Variants in ANKS1B observed in about 807,000 individuals in gnomAD.
ANKS1B encodes the protein ankyrin repeat and sterile alpha motif domain containing 1B, also known as ankyrin repeat and sterile alpha motif domain-containing protein 1B.
Under a neutral mutation model 148.3 loss-of-function variants are expected in ANKS1B, and 36 were observed. The ratio of observed to expected loss-of-function variants is 0.24; its 90% CI spans 0.19 to 0.32. The LOEUF is 0.32. Among genes scored for constraint, ANKS1B ranks in the 10% least tolerant of loss-of-function variants. ANKS1B has a pLI of 1.00. For synonymous variants in ANKS1B, 542 were observed against 560.8 expected, an observed-to-expected ratio of 0.97 and a Z score of 0.47; for missense variants, 1,157 against 1,542.6, an observed-to-expected ratio of 0.75 and a Z score of 4.19.
At chr12:98,848,532 A>G (rs1317151091) in intron 17 of ANKS1B, among the ~76,000 whole-genome samples, 1 of 151,864 alleles carries the variant, frequency 6.6e-6, no homozygotes, top group African/African-American at 2.4e-5. Context: ...CCCTGGTTCA[A>G]ATTTCATGAG....
chr12:99,945,727 C>T (rs1435954002), intron 1 of ANKS1B, among the ~76,000 whole-genome samples: 2 of 152,128 alleles, frequency 1.3e-5, no homozygotes, highest in East Asian at 1.9e-4. Context: ...TGACGTGGAA[C>T]ACAGACTGAG....
At chr12:98,853,751 CCT>C (rs1367840104) in intron 17 of ANKS1B, among the ~76,000 whole-genome samples, 1 of 152,170 alleles carries the variant, frequency 6.6e-6, no homozygotes, top group Non-Finnish European at 1.5e-5. Context: ...TCTGTGCCTC[CCT>C]CTCAAACCAG....
intron 11 of ANKS1B, among the ~76,000 whole-genome samples, chr12:99,427,817 C>T (rs188072165): frequency 6.6e-6 from 1 of 152,162 alleles, no homozygotes; most frequent in East Asian, 1.9e-4. Flanking sequence ...GTGCTTGGAT[C>T]CTACCTAAAA....
intron 10 of ANKS1B, among the ~76,000 whole-genome samples, chr12:99,466,226 G>A (rs1282530694): frequency 6.6e-6 from 1 of 152,056 alleles, no homozygotes; most frequent in African/African-American, 2.4e-5. Flanking sequence ...AATAAAGAAG[G>A]TCTTTGAAAC....
intron 10 of ANKS1B, among the ~76,000 whole-genome samples, chr12:99,491,495 A>G (rs547165953): frequency 6.6e-6 from 1 of 152,020 alleles, no homozygotes; most frequent in Non-Finnish European, 1.5e-5. Flanking sequence ...CAAGTACTAA[A>G]CCTAGTATCC....
intron 9 of ANKS1B, among the ~76,000 whole-genome samples, chr12:99,521,831 G>A (rs949432383): frequency 1.2e-4 from 19 of 152,122 alleles, no homozygotes; most frequent in African/African-American, 4.6e-4. Context: ...TGTCAGACTT[G>A]AAGCCAGCAC....
intron 12 of ANKS1B, among the ~76,000 whole-genome samples, chr12:99,351,588 T>C (rs1015861511): frequency 6.6e-6 from 1 of 152,072 alleles, no homozygotes; most frequent in African/African-American, 2.4e-5. Context: ...TTACCTTCGG[T>C]TTTCTTCTCT....
chr12:99,304,242 G>T (rs1207843592), intron 12 of ANKS1B, among the ~76,000 whole-genome samples: 1 of 152,228 alleles, frequency 6.6e-6, no homozygotes, highest in East Asian at 1.9e-4. Context: ...CAGTGTAGAA[G>T]TGTTCCCTTT....
At chr12:99,964,046 A>G (rs1311474247) in intron 1 of ANKS1B, among the ~76,000 whole-genome samples, 3 of 152,200 alleles carry the variant, frequency 2.0e-5, no homozygotes, top group African/African-American at 7.2e-5. Flanking sequence ...AAAGACCTTC[A>G]GCTAAACAGC....
chr12:99,814,842 G>C (rs2068898969), intron 2 of ANKS1B, among the ~76,000 whole-genome samples: 1 of 151,708 alleles, frequency 6.6e-6, no homozygotes, highest in Admixed American at 6.6e-5. Context: ...GCAGATTGTT[G>C]CAATGTTAAA....
intron 17 of ANKS1B, among the ~76,000 whole-genome samples, chr12:98,992,249 CTCTT>C (rs772895345): frequency 7.2e-5 from 11 of 152,286 alleles, no homozygotes; most frequent in Non-Finnish European, 1.3e-4. Flanking sequence ...GCCTGGAAGA[CTCTT>C]TCTTTAAATC....
Position 99,303,223 on chromosome 12 carries a change from C to T in ANKS1B, c.1757-56359G>A, listed in dbSNP as rs201263290. Among the ~76,000 whole-genome samples the T allele has an allele frequency of 1.2e-4, 18 of 152,266 alleles. No homozygotes were observed. In the East Asian group the frequency reaches 2.9e-3, roughly 25 times the overall value. Reference sequence around the variant, plus strand: ...TGTATATATTATTGGAAGTCATGGACTTGCCTTACAAATCTAAATTTATAA... The same window carrying T: ...TGTATATATTATTGGAAGTCATGGATTTGCCTTACAAATCTAAATTTATAA... On this transcript the variant is annotated intron_variant, in intron 12 of 26. Coordinates refer to ENST00000683438, the MANE Select transcript of ANKS1B (RefSeq NM_001352186.2).
At chr12:98,884,335 T>C (rs1292302302) in intron 17 of ANKS1B, among the ~76,000 whole-genome samples, 1 of 152,254 alleles carries the variant, frequency 6.6e-6, no homozygotes, top group African/African-American at 2.4e-5. Context: ...CTGATACGTT[T>C]GTACTGAAAG....
chr12:99,145,176 C>A (rs1185708094), intron 15 of ANKS1B, among the ~76,000 whole-genome samples: 2 of 152,192 alleles, frequency 1.3e-5, no homozygotes, highest in East Asian at 3.9e-4. Flanking sequence ...TTGAGTATTA[C>A]CAAAGGCTTG....
In ANKS1B at chr12:99,358,012, A is replaced by C. The variant is rs58797477; in HGVS notation, c.1756+41619T>G. On this transcript the variant is annotated intron_variant, in intron 12 of 26. Coordinates refer to ENST00000683438, the MANE Select transcript of ANKS1B (RefSeq NM_001352186.2). ...TTTTTCCAATTGAATACTATTCTTC[A>C]AATTGTCTATTTTCTTTCCCAATTT... Among the ~76,000 whole-genome samples the C allele has an allele frequency of 8.8e-3, 1,345 of 152,086 alleles. 79 individuals are homozygous for C. The highest frequency in any genetic ancestry group is 0.074 in the Admixed American group (1,128 of 15,260).
chr12:99,572,746 G>C (rs1053874622), intron 9 of ANKS1B, among the ~76,000 whole-genome samples: 1 of 151,924 alleles, frequency 6.6e-6, no homozygotes, highest in African/African-American at 2.4e-5. Context: ...GATAACTATA[G>C]AGATAAATAA....
chr12:99,958,179 CA>C (rs67485872), intron 1 of ANKS1B, among the ~76,000 whole-genome samples: 10,130 of 152,044 alleles, frequency 0.067, 396 homozygotes, highest in Non-Finnish European at 0.08. Flanking sequence ...CTGGGAGAGA[CA>C]GGGGCAGGCA....
chr12:98,859,095 GC>G (rs990938314), intron 17 of ANKS1B, among the ~76,000 whole-genome samples: 133 of 152,270 alleles, frequency 8.7e-4, no homozygotes, highest in African/African-American at 2.9e-3. Flanking sequence ...AGACATTCTT[GC>G]CCTTGTGAAC....
chr12:99,344,620 C>A (rs1424433211), intron 12 of ANKS1B, among the ~76,000 whole-genome samples: 1 of 151,936 alleles, frequency 6.6e-6, no homozygotes, highest in Non-Finnish European at 1.5e-5. Flanking sequence ...AAAATAAAAT[C>A]TTGCCTACTT....
Sources: gnomAD v4.1 joint callset for allele counts (sites outside exome capture counted in the v4.1 genomes callset) on GRCh38, gnomAD v4.1.1 for gene constraint, MANE v1.5 for transcripts, NCBI Gene and HGNC (gene_info 2026-07-23, HGNC 2026-07-21) for gene names.